GALNT13: variants seen among roughly 807,000 people sequenced by gnomAD.
GALNT13 encodes polypeptide N-acetylgalactosaminyltransferase 13.
In GALNT13, 28 loss-of-function variants were observed where a neutral mutation model predicts 64.2. The observed-to-expected ratio is 0.44, with a 90% CI of 0.32 to 0.60. The LOEUF is 0.60. Among genes scored for constraint, GALNT13 ranks in the 20% least tolerant of loss-of-function variants. The pLI, the probability that GALNT13 is intolerant of heterozygous loss-of-function variation, is 0.05. For synonymous variants in GALNT13, 214 were observed against 224.6 expected, an observed-to-expected ratio of 0.95 and a Z score of 0.42; for missense variants, 577 against 669.8, an observed-to-expected ratio of 0.86 and a Z score of 1.53.
intron 9 of GALNT13, among the ~76,000 whole-genome samples, chr2:154,329,558 C>A (rs1254630191): frequency 6.6e-6 from 1 of 152,118 alleles, no homozygotes; most frequent in Non-Finnish European, 1.5e-5. Context: ...AAACAGAAGA[C>A]ATGGTGAATT....
the GALNT13 span, among the ~76,000 whole-genome samples, chr2:153,583,386 C>G: frequency 6.6e-6 from 1 of 152,188 alleles, no homozygotes; most frequent in Non-Finnish European, 1.5e-5. Flanking sequence ...TTAGAAGAAC[C>G]AAAGTAATGT....
intron 8 of GALNT13, among the ~76,000 whole-genome samples, chr2:154,267,766 G>A (rs746750054): frequency 6.6e-6 from 1 of 150,898 alleles, no homozygotes; most frequent in Non-Finnish European, 1.5e-5. Context: ...TTTGTATCTA[G>A]AAAAAAAAAC....
At chr2:153,731,074 GTGTGTGTGTGTGTCTGTATA>G in the GALNT13 span, among the ~76,000 whole-genome samples, 1 of 150,860 alleles carries the variant, frequency 6.6e-6, no homozygotes, top group South Asian at 2.1e-4. Flanking sequence ...ATATATATAT[GTGTGTGTGTGTGTCTGTATA>G]TGTTTGTGTG....
At chr2:153,634,402 A>T in the GALNT13 span, among the ~76,000 whole-genome samples, 1 of 152,166 alleles carries the variant, frequency 6.6e-6, no homozygotes, top group East Asian at 1.9e-4. Context: ...GGGACATTTT[A>T]TAATTGTTCT....
the GALNT13 span, among the ~76,000 whole-genome samples, chr2:153,298,227 G>A: frequency 2.6e-5 from 4 of 152,044 alleles, no homozygotes; most frequent in Admixed American, 6.6e-5. Context: ...TGACTTTAAC[G>A]GTGGAACATG....
At chr2:153,403,513 G>T in the GALNT13 span, among the ~76,000 whole-genome samples, 1 of 152,178 alleles carries the variant, frequency 6.6e-6, no homozygotes, top group Non-Finnish European at 1.5e-5. Context: ...AAAGGCGGGC[G>T]CCCCTCCCCC....
the GALNT13 span, among the ~76,000 whole-genome samples, chr2:153,277,653 A>G: frequency 6.6e-6 from 1 of 152,078 alleles, no homozygotes; most frequent in African/African-American, 2.4e-5. Flanking sequence ...GGCTGAATTA[A>G]TTTACATTCT....
At chr2:153,394,167 A>T in the GALNT13 span, among the ~76,000 whole-genome samples, 6 of 152,224 alleles carry the variant, frequency 3.9e-5, no homozygotes, top group Admixed American at 1.3e-4. Context: ...AAGGCAGAGA[A>T]ATGTAGCCTG....
chr2:153,524,296 A>G, the GALNT13 span, among the ~76,000 whole-genome samples: 1 of 151,538 alleles, frequency 6.6e-6, no homozygotes, highest in Non-Finnish European at 1.5e-5. Context: ...TGCTGGCTTC[A>G]TAGAATAAGT....
intron 9 of GALNT13, among the ~76,000 whole-genome samples, chr2:154,356,878 GTTA>G (rs543725734): frequency 3.7e-4 from 56 of 151,848 alleles, no homozygotes; most frequent in Non-Finnish European, 5.2e-4. Flanking sequence ...ACTACCTATA[GTTA>G]TTATGTCTTC....
rs1054205801 is a variant in GALNT13, at chr2:154,319,777, A to G, written c.1156+18188A>G. 3.9e-5 allele frequency among the ~76,000 whole-genome samples: 6 copies of G among 152,188 alleles called. 1 individual carries two copies. Among genetic ancestry groups the G allele is most frequent in the Non-Finnish European group, 7.4e-5 (5 of 68,024 alleles). On this transcript the variant is annotated intron_variant, in intron 9 of 12. Transcript: ENST00000392825. ...TAAATTGAGCATTAGTTGAACAATA[A>G]GCATTATATCGAACTAGAAATATTA...
the GALNT13 span, among the ~76,000 whole-genome samples, chr2:153,847,699 T>C: frequency 6.6e-6 from 1 of 152,252 alleles, no homozygotes; most frequent in Non-Finnish European, 1.5e-5. Context: ...ATAAGACGTA[T>C]GTCAAAATAA....
At chr2:153,071,465 T>C in the GALNT13 span, among the ~76,000 whole-genome samples, 1 of 152,168 alleles carries the variant, frequency 6.6e-6, no homozygotes, top group Non-Finnish European at 1.5e-5. Flanking sequence ...TGGCAAGCAT[T>C]GCACACACAA....
At chr2:154,141,983 T>A (rs1173525259) in intron 4 of GALNT13, among the ~76,000 whole-genome samples, 3 of 152,186 alleles carry the variant, frequency 2.0e-5, no homozygotes, top group African/African-American at 7.2e-5. Context: ...TTCTAATATA[T>A]GGTCCTCGTA....
chr2:154,312,784 G>A (rs12616161), intron 9 of GALNT13, among the ~76,000 whole-genome samples: 143,653 of 152,146 alleles, frequency 0.94, 68,328 homozygotes, highest in Non-Finnish European at 1. Context: ...AGTAAAGTCA[G>A]TGGTCTCTCC....
the GALNT13 span, among the ~76,000 whole-genome samples, chr2:153,556,775 G>A: frequency 6.6e-6 from 1 of 152,138 alleles, no homozygotes; most frequent in Non-Finnish European, 1.5e-5. Flanking sequence ...AACCTTCCCT[G>A]TTAGCTTAAT....
the GALNT13 span, among the ~76,000 whole-genome samples, chr2:153,491,412 A>G: frequency 6.6e-6 from 1 of 151,996 alleles, no homozygotes; most frequent in African/African-American, 2.4e-5. Context: ...TATAACTACA[A>G]TGTGATTTCA....
chr2:154,381,503 T>A (rs1420109984), intron 9 of GALNT13, among the ~76,000 whole-genome samples: 1 of 152,082 alleles, frequency 6.6e-6, no homozygotes, highest in East Asian at 1.9e-4. Context: ...AAATCCTGAT[T>A]AAGCTGATGA....
At chr2:154,363,497 C>T (rs1418866223) in intron 9 of GALNT13, among the ~76,000 whole-genome samples, 1 of 152,036 alleles carries the variant, frequency 6.6e-6, no homozygotes, top group Non-Finnish European at 1.5e-5. Context: ...CTTAAAAATG[C>T]AATTTTGTTG....
Sources: allele counts gnomAD v4.1 joint callset (sites outside exome capture counted in the v4.1 genomes callset), GRCh38; gene constraint gnomAD v4.1.1; transcripts MANE v1.5; gene names NCBI Gene and HGNC (gene_info 2026-07-23, HGNC 2026-07-21).